Variants in PLCB4 observed in about 807,000 individuals in gnomAD.
PLCB4 encodes the protein phospholipase C beta 4, also known as 1-phosphatidylinositol 4,5-bisphosphate phosphodiesterase beta-4.
PLCB4 carries 77 observed loss-of-function variants against 178.8 expected under a neutral mutation model. That is an observed-to-expected ratio of 0.43 (90% confidence interval 0.36 to 0.52). The LOEUF (loss-of-function observed/expected upper bound fraction) is 0.52. PLCB4 is among the 20% of genes least tolerant of loss of function. The pLI, the probability that PLCB4 is intolerant of heterozygous loss-of-function variation, is 0.00. For missense variants in PLCB4, 1,024 were observed against 1,453.4 expected (o/e 0.70, Z 4.80); for synonymous variants, 496 against 490.8 (o/e 1.01, Z -0.14).
At chr20:9,276,744 A>T (rs939310258) in intron 3 of PLCB4, among the ~76,000 whole-genome samples, 1 of 151,956 alleles carries the variant, frequency 6.6e-6, no homozygotes, top group East Asian at 1.9e-4. Flanking sequence ...TTCAAATCCC[A>T]GCTATTCTGT....
intron 4 of PLCB4, among the ~76,000 whole-genome samples, chr20:9,308,596 A>G (rs1402151863): frequency 6.6e-6 from 1 of 152,236 alleles, no homozygotes; most frequent in Non-Finnish European, 1.5e-5. Flanking sequence ...AAAACATATT[A>G]AAACTTCATT....
At chr20:9,433,087 A>G (rs2041537477) in intron 28 of PLCB4, among the ~76,000 whole-genome samples, 1 of 152,146 alleles carries the variant, frequency 6.6e-6, no homozygotes, top group Non-Finnish European at 1.5e-5. Context: ...GAGCCAAAGT[A>G]TTGCCATGAG....
chr20:9,373,717 A>T (rs1223576052), intron 12 of PLCB4, among the ~76,000 whole-genome samples: 1 of 152,204 alleles, frequency 6.6e-6, no homozygotes, highest in Non-Finnish European at 1.5e-5. Context: ...TAATTTTAGA[A>T]TGTGATTAAC....
intron 2 of PLCB4, among the ~76,000 whole-genome samples, chr20:9,172,097 G>A (rs570720168): frequency 1.3e-5 from 2 of 152,150 alleles, no homozygotes; most frequent in South Asian, 4.1e-4. Context: ...ATAATGTTTG[G>A]CACTTTAATA....
intron 12 of PLCB4, among the ~76,000 whole-genome samples, chr20:9,379,350 T>C (rs2036942099): frequency 6.6e-6 from 1 of 152,172 alleles, no homozygotes; most frequent in Admixed American, 6.5e-5. Context: ...GGTGTCAATT[T>C]GAAAACAATA....
chr20:9,240,130 T>C (rs2147405922), intron 3 of PLCB4, among the ~76,000 whole-genome samples: 1 of 152,304 alleles, frequency 6.6e-6, no homozygotes, highest in African/African-American at 2.4e-5. Flanking sequence ...TCCAGTCAAG[T>C]TGACACTCAG....
At chr20:9,379,128 T>C (rs11907222) in intron 12 of PLCB4, among the ~76,000 whole-genome samples, 7,734 of 152,236 alleles carry the variant, frequency 0.051, 434 homozygotes, top group East Asian at 0.24. Flanking sequence ...TTGTAAGGGC[T>C]GACCAGGGAC....
At chr20:9,447,732 T>A (rs2042501761) in intron 32 of PLCB4, among the ~76,000 whole-genome samples, 1 of 152,252 alleles carries the variant, frequency 6.6e-6, no homozygotes, top group Non-Finnish European at 1.5e-5. Flanking sequence ...TCATCTAGTT[T>A]TTAAGTGGTG....
Position 9,165,365 on chromosome 20 carries a change from A to G in PLCB4, c.-78-52025A>G, listed in dbSNP as rs567805416. ...CACTGTAATTTTTAGAGATAGTAGT[A>G]CAAGTTGGGACAGATGGGGAGCCTA... On this transcript the variant is annotated intron_variant, in intron 2 of 39. Transcript: ENST00000378473. 2.0e-5 allele frequency among the ~76,000 whole-genome samples: 3 copies of G among 152,328 alleles called. No individual in the cohort carries two copies. In the South Asian group the frequency reaches 6.2e-4, roughly 32 times the overall value.
intron 3 of PLCB4, among the ~76,000 whole-genome samples, chr20:9,224,575 A>G (rs1298464461): frequency 6.6e-6 from 1 of 152,210 alleles, no homozygotes; most frequent in East Asian, 1.9e-4. Flanking sequence ...TACTGGTCTT[A>G]CTGAAAAGAC....
At chr20:9,324,855 G>C (rs184902833) in intron 4 of PLCB4, among the ~76,000 whole-genome samples, 11 of 151,396 alleles carry the variant, frequency 7.3e-5, no homozygotes, top group Non-Finnish European at 1.5e-4. Flanking sequence ...TGCAGCTCTT[G>C]TGGAAAAAAA....
chr20:9,229,056 A>G (rs1436253905), intron 3 of PLCB4, among the ~76,000 whole-genome samples: 1 of 152,210 alleles, frequency 6.6e-6, no homozygotes, highest in African/African-American at 2.4e-5. Context: ...AACAAACCCC[A>G]TGCTCTTAGA....
In PLCB4 at chr20:9,372,373, G is replaced by A. The variant is rs1023472067; in HGVS notation, c.656G>A (p.Arg219Gln). The A allele has an allele frequency of 2.5e-6, 4 of 1,593,444 alleles. No individual in the cohort carries two copies. Among genetic ancestry groups the A allele is most frequent in the African/African-American group, 2.7e-5 (2 of 74,320 alleles). ...GAACTGACACAAAAGATTTGTCCTC[G>A]GACAGATATAGAAGATCTTTTCAAA... ...FYELTQKICP[R>Q]TDIEDLFKKI... Residue 219 changes from arginine (R) to glutamine (Q), a missense_variant, in exon 11 of 40, where the codon CGG becomes CAG. Transcript: ENST00000378473.
At chr20:9,137,054 T>C (rs1363638559) in intron 2 of PLCB4, among the ~76,000 whole-genome samples, 1 of 152,042 alleles carries the variant, frequency 6.6e-6, no homozygotes, top group Non-Finnish European at 1.5e-5. Flanking sequence ...GTCCCCCTCC[T>C]AGAAGCCACA....
In PLCB4 at chr20:9,351,199, C is replaced by CT. The variant is rs202205239; in HGVS notation, c.370-11688dup. 7.1e-4 allele frequency among the ~76,000 whole-genome samples: 105 copies of CT among 147,370 alleles called. 2 individuals are homozygous for CT. In the East Asian group the frequency reaches 0.015, roughly 20 times the overall value. On this transcript the variant is annotated intron_variant, in intron 7 of 39. Coordinates refer to ENST00000378473, the MANE Select transcript of PLCB4 (RefSeq NM_001377142.1). ...TATATTTGAGTCTTAGTGCTTTACTCTTTTTTTTTAAGTTTTAGGGTACAT... is the reference window on the plus strand; with the variant it reads ...TATATTTGAGTCTTAGTGCTTTACTCTTTTTTTTTTAAGTTTTAGGGTACAT...
chr20:9,322,117 ATTTTTTT>A (rs749496709), intron 4 of PLCB4, among the ~76,000 whole-genome samples: 32 of 116,600 alleles, frequency 2.7e-4, no homozygotes, highest in Admixed American at 6.4e-4. Flanking sequence ...CACCCAGGTA[ATTTTTTT>A]TTTTTTTTTT....
At chr20:9,225,831 G>A (rs2093858029) in intron 3 of PLCB4, among the ~76,000 whole-genome samples, 2 of 152,192 alleles carry the variant, frequency 1.3e-5, no homozygotes, top group African/African-American at 4.8e-5. Flanking sequence ...TCAATAAAAT[G>A]TTTAAAGTTA....
At chr20:9,208,762 A>G (rs1339740163) in intron 2 of PLCB4, among the ~76,000 whole-genome samples, 5 of 152,156 alleles carry the variant, frequency 3.3e-5, no homozygotes, top group Admixed American at 6.5e-5. Flanking sequence ...GCTGATCTCA[A>G]ACTTCTGGGC....
chr20:9,356,818 C>A (rs2034867806), intron 7 of PLCB4, among the ~76,000 whole-genome samples: 1 of 152,138 alleles, frequency 6.6e-6, no homozygotes, highest in Non-Finnish European at 1.5e-5. Context: ...TATCTCCATT[C>A]ACTTAAACAA....
Sources: allele counts gnomAD v4.1 joint callset (sites outside exome capture counted in the v4.1 genomes callset), GRCh38; gene constraint gnomAD v4.1.1; transcripts MANE v1.5; gene names NCBI Gene and HGNC (gene_info 2026-07-23, HGNC 2026-07-21).